The following PKD1L1 variants were observed in gnomAD, a reference collection of about 807,000 sequenced individuals.
The protein encoded by PKD1L1 is polycystin 1 like 1, transient receptor potential channel interacting, also known as polycystin-1-like protein 1.
PKD1L1 carries 236 observed loss-of-function variants against 323.4 expected under a neutral mutation model. The observed-to-expected ratio is 0.73, with a 90% CI of 0.66 to 0.81. The LOEUF (loss-of-function observed/expected upper bound fraction) is 0.81, where lower values mean the gene tolerates loss of function less well. Ranked by LOEUF, PKD1L1 falls within the 40% of genes least tolerant of loss-of-function variation. The pLI is 0.00. For synonymous variants in PKD1L1, 1,344 were observed against 1,335.0 expected (o/e 1.01, Z -0.15); for missense variants, 3,320 against 3,508.0 (o/e 0.95, Z 1.35).
At chr7:47,877,695 G>C in intron 21 of PKD1L1, 64 bp from the exon 22 acceptor site, 1 of 1,564,058 alleles carries the variant, frequency 6.4e-7, no homozygotes, top group Non-Finnish European at 8.7e-7. Context: ...ATAGGAATAA[G>C]TTTTTATAGA....
At chr7:47,959,510 C>T in the PKD1L1 span, among the ~76,000 whole-genome samples, 22 of 148,532 alleles carry the variant, frequency 1.5e-4, no homozygotes, top group South Asian at 6.5e-4. Context: ...TCTACCCGGC[C>T]GCGACCCCGT....
rs113339754 is a variant in PKD1L1, at chr7:47,880,484, G to A, written c.3520+244C>T. Among the ~76,000 whole-genome samples the A allele has an allele frequency of 0.35, 51,919 of 147,324 alleles. 10,421 individuals are homozygous for A. The highest frequency in any genetic ancestry group is 0.55 in the African/African-American group (21,474 of 39,226). On this transcript the variant is annotated intron_variant, in intron 21 of 56. Transcript: ENST00000289672. Reference sequence around the variant, plus strand: ...TTTTTAGTAGAGATGGGGTTTCACCGTGTTAGCCAGGATGGTCTCGATCTC... The same window carrying A: ...TTTTTAGTAGAGATGGGGTTTCACCATGTTAGCCAGGATGGTCTCGATCTC...
intron 24 of PKD1L1, among the ~76,000 whole-genome samples, chr7:47,868,196 C>A (rs1164798269): frequency 6.6e-6 from 1 of 151,984 alleles, no homozygotes; most frequent in East Asian, 1.9e-4. Context: ...GGTGAAACCC[C>A]ATCTCTACTA....
chr7:47,912,310 T>G (rs1016578190), intron 8 of PKD1L1, among the ~76,000 whole-genome samples: 5 of 151,860 alleles, frequency 3.3e-5, no homozygotes, highest in Admixed American at 6.6e-5. Context: ...CAAAAAAGAT[T>G]TGAAAAGACA....
intron 31 of PKD1L1, among the ~76,000 whole-genome samples, chr7:47,849,965 G>T (rs1200326102): frequency 1.3e-5 from 2 of 152,168 alleles, no homozygotes; most frequent in African/African-American, 4.8e-5. Flanking sequence ...TGGGAGATAA[G>T]CTATCAGGAT....
chr7:47,960,478 C>A, the PKD1L1 span, among the ~76,000 whole-genome samples: 9 of 145,812 alleles, frequency 6.2e-5, no homozygotes, highest in Non-Finnish European at 1.0e-4. Context: ...CCCTTAACAC[C>A]TTTTGGAGAT....
intron 22 of PKD1L1, among the ~76,000 whole-genome samples, chr7:47,876,819 T>C (rs150045973): frequency 8.2e-4 from 124 of 152,142 alleles, no homozygotes; most frequent in African/African-American, 2.8e-3. Flanking sequence ...TCACACTGTC[T>C]CCCAGGCTGC....
chr7:47,910,816 C>T (rs1050460336), intron 8 of PKD1L1, among the ~76,000 whole-genome samples: 17 of 86,734 alleles, frequency 2.0e-4, no homozygotes, highest in African/African-American at 1.0e-3. Flanking sequence ...GCCACCACGC[C>T]CAGCTGATTT....
intron 41 of PKD1L1, 141 bp downstream of exon 41, chr7:47,832,949 G>T: frequency 8.8e-7 from 1 of 1,133,258 alleles, no homozygotes; most frequent in Non-Finnish European, 1.2e-6. Context: ...GTTTTGGGTG[G>T]GCCCATGCCT....
chr7:47,803,254 A>G lies in PKD1L1; in HGVS notation c.7918T>C (p.Ser2640Pro), dbSNP rs1784705033. 1 of 1,614,096 alleles carries G rather than the reference A, an allele frequency of 6.2e-7. No individual in the cohort carries two copies. The highest frequency in any genetic ancestry group is 1.1e-5 in the South Asian group (1 of 91,080). ...GGGAGTGAGTGGCGCATCATGGAGG[A>G]GCAGGATGCCATTGTGTTTTGAATG... is the stretch of plus-strand genomic sequence containing the variant. The part of the protein sequence containing the change: ...PGIQNTMASC[S>P]SMMRHSLPSI... The change falls in exon 53 of 57, where the codon TCC (serine) becomes CCC (proline). Residue 2640 changes from serine to proline, a missense_variant. Coordinates refer to ENST00000289672, the MANE Select transcript of PKD1L1 (RefSeq NM_138295.5).
Position 47,792,649 on chromosome 7 carries a change from A to G in PKD1L1, c.8504T>C (p.Ile2835Thr). 6.2e-7 allele frequency: 1 copy of G among 1,613,380 alleles called. No individual in the cohort carries two copies. The highest frequency in any genetic ancestry group is 8.5e-7 in the Non-Finnish European group (1 of 1,179,674). Reference protein sequence around the residue: ...ARTEESPLVDISSYQAAEPAD... With the variant: ...ARTEESPLVDTSSYQAAEPAD... ...TACCTCAGCAGCTTGGTAACTAGAA[A>G]TGTCCACTAAGGGACTCTCTTCTGT... Residue 2835 changes from isoleucine (I) to threonine (T), a missense_variant, in exon 56 of 57, where the codon ATT becomes ACT. Transcript: ENST00000289672.
intron 56 of PKD1L1, among the ~76,000 whole-genome samples, chr7:47,790,576 C>A (rs1285397666): frequency 6.6e-6 from 1 of 152,072 alleles, no homozygotes; most frequent in Non-Finnish European, 1.5e-5. Context: ...CGTGATCCGC[C>A]CACCTCGGCC....
At chr7:47,943,543 AAATT>A in intron 1 of PKD1L1, 32 bp from the exon 2 acceptor site, 1 of 1,538,062 alleles carries the variant, frequency 6.5e-7, no homozygotes, top group Non-Finnish European at 9.0e-7. Flanking sequence ...GAGGAAAATT[AAATT>A]AAGTACAATC....
intron 2 of PKD1L1, 28 bp downstream of exon 2, chr7:47,943,368 G>A (rs1432947249): frequency 6.5e-7 from 1 of 1,532,734 alleles, no homozygotes; most frequent in East Asian, 2.3e-5. Context: ...TTATCATGGT[G>A]GCCATGCCTC....
chr7:47,872,734 A>G (rs1202647901), intron 24 of PKD1L1, among the ~76,000 whole-genome samples: 1 of 152,218 alleles, frequency 6.6e-6, no homozygotes, highest in Admixed American at 6.5e-5. Flanking sequence ...ATACCTCGTT[A>G]GTGGGAATAC....
At chr7:47,958,593 A>G in the PKD1L1 span, among the ~76,000 whole-genome samples, 1 of 152,226 alleles carries the variant, frequency 6.6e-6, no homozygotes, top group Non-Finnish European at 1.5e-5. Context: ...GGCAAATCAA[A>G]CTACATCAAA....
intron 6 of PKD1L1, among the ~76,000 whole-genome samples, chr7:47,930,179 A>C (rs949506196): frequency 6.6e-6 from 1 of 152,166 alleles, no homozygotes; most frequent in African/African-American, 2.4e-5. Context: ...TGGAGGTAGA[A>C]ATGGCTTAAG....
At chr7:47,888,275 A>C in intron 16 of PKD1L1, 125 bp from the exon 17 acceptor site, 1 of 943,640 alleles carries the variant, frequency 1.1e-6, no homozygotes. Flanking sequence ...CTTCAATAGC[A>C]ATGTCACAGC....
chr7:47,916,989 T>A lies in PKD1L1; in HGVS notation c.1061-1390A>T, dbSNP rs1188410690. ...CCAAATCAAGAAGAAATCCCCAGTT[T>A]ACCTTAAAAAGAATAGGAGGTTAGT... On this transcript the variant is annotated intron_variant, in intron 7 of 56. Transcript: ENST00000289672. 2.6e-5 allele frequency among the ~76,000 whole-genome samples: 4 copies of A among 152,166 alleles called. No homozygotes were observed. In the East Asian group the frequency reaches 7.7e-4, roughly 29 times the overall value.
Sources: allele counts gnomAD v4.1 joint callset (sites outside exome capture counted in the v4.1 genomes callset), GRCh38; gene constraint gnomAD v4.1.1; transcripts MANE v1.5; gene names NCBI Gene and HGNC (gene_info 2026-07-23, HGNC 2026-07-21).